Variants in PODNL1 observed in about 807,000 individuals in gnomAD.
PODNL1 encodes the protein podocan like 1, also known as podocan-like protein 1.
In PODNL1, 50 loss-of-function variants were observed where a neutral mutation model predicts 45.1. That is an observed-to-expected ratio of 1.11 (90% confidence interval 0.88 to 1.40). The LOEUF (loss-of-function observed/expected upper bound fraction) is 1.40. PODNL1 is among the 40% of genes most tolerant of loss of function. PODNL1 has a pLI of 0.00. For missense variants in PODNL1, 788 were observed against 793.3 expected, an observed-to-expected ratio of 0.99 and a Z score of 0.08; for synonymous variants, 406 against 372.5, an observed-to-expected ratio of 1.09 and a Z score of -1.04.
chr19:13,938,262 C>T lies in PODNL1; in HGVS notation c.-81G>A. 2.6e-6 allele frequency: 4 copies of T among 1,545,622 alleles called. No homozygotes were observed. Among genetic ancestry groups the T allele is most frequent in the Non-Finnish European group, 3.5e-6 (4 of 1,148,416 alleles). ...AAACCAGGCGGTCACCTCCTGGAGCCTCTGCTGTGGCCACCACCGCCCCCC... is the reference window on the plus strand; with the variant it reads ...AAACCAGGCGGTCACCTCCTGGAGCTTCTGCTGTGGCCACCACCGCCCCCC... On this transcript the variant is annotated 5_prime_UTR_variant, in exon 1 of 10. Transcript: ENST00000588872.
At chr19:13,940,580 A>AC (rs1328403363), upstream of PODNL1, among the ~76,000 whole-genome samples, 2 of 136,658 alleles carry the variant, frequency 1.5e-5, no homozygotes, top group Non-Finnish European at 3.2e-5. Context: ...CAAAAAAAAA[A>AC]AAAAAAAAAA....
Position 13,935,744 on chromosome 19 carries a change from G to A in PODNL1, c.471C>T (p.Thr157=), listed in dbSNP as rs202144687. 6.3e-7 allele frequency: 1 copy of A among 1,587,020 alleles called. No individual in the cohort carries two copies. Among genetic ancestry groups the A allele is most frequent in the Non-Finnish European group, 8.5e-7 (1 of 1,170,388 alleles). ...ANQVMEIFPL[T]FGEKPALRSV... ...ACCTGAGTGCCGGCTTCTCCCCAAA[G>A]GTGAGGGGGAAGATCTCCATCACTT... The change falls in exon 5 of 10, where the codon ACC becomes ACT. Residue 157 remains threonine, a synonymous_variant. Coordinates refer to ENST00000588872, the MANE Select transcript of PODNL1 (RefSeq NM_001370095.3).
chr19:13,939,034 C>G (rs1333076619), upstream of PODNL1, among the ~76,000 whole-genome samples: 1 of 152,190 alleles, frequency 6.6e-6, no homozygotes, highest in Non-Finnish European at 1.5e-5. Context: ...ACAAGCTGGT[C>G]TCCACATGAG....
rs1972088237 is a variant in PODNL1, at chr19:13,933,233, C to T, written c.990G>A (p.Arg330=). ...GLPAGALRPL[R]GLHTLHLYGN... is the part of the protein sequence containing the mutation. ...CATAGAGGTGCAGCGTGTGCAGGCC[C>T]CGCAGCGGCCGCAGAGCCCCGGCGG... The change falls in exon 8 of 10, where the codon CGG becomes CGA. Residue 330 remains arginine (R), a synonymous_variant. Coordinates refer to ENST00000588872, the MANE Select transcript of PODNL1 (RefSeq NM_001370095.3). The surrounding 1 kb of genome is among the most constrained non-coding windows in gnomAD (Gnocchi z 5.2). 1.3e-6 allele frequency: 2 copies of T among 1,540,990 alleles called. No homozygotes were observed. Among genetic ancestry groups the T allele is most frequent in the Non-Finnish European group, 1.7e-6 (2 of 1,148,362 alleles).
At chr19:13,941,341 G>T (rs1279685331), upstream of PODNL1, among the ~76,000 whole-genome samples, 2 of 150,704 alleles carry the variant, frequency 1.3e-5, no homozygotes, top group African/African-American at 4.9e-5. Flanking sequence ...ACTCCAGGCT[G>T]GGTAACAGTG....
upstream of PODNL1, among the ~76,000 whole-genome samples, chr19:13,942,312 T>C (rs1972681265): frequency 6.6e-6 from 1 of 152,174 alleles, no homozygotes; most frequent in South Asian, 2.1e-4. Context: ...GGCTTCTGTA[T>C]GTGGTGCTAA....
chr19:13,941,967 G>T (rs1174953272), upstream of PODNL1, among the ~76,000 whole-genome samples: 1 of 152,128 alleles, frequency 6.6e-6, no homozygotes, highest in East Asian at 1.9e-4. Flanking sequence ...CCTATCTCAA[G>T]TACTCCCCAT....
chr19:13,934,681 G>A (rs1480370622), intron 5 of PODNL1, among the ~76,000 whole-genome samples: 4 of 151,946 alleles, frequency 2.6e-5, no homozygotes, highest in Non-Finnish European at 4.4e-5. Context: ...GAGTGCATAT[G>A]TGGAGTGTGT....
At chr19:13,952,222 T>C (rs903435466) in intron 1 of PODNL1, among the ~76,000 whole-genome samples, 1 of 152,208 alleles carries the variant, frequency 6.6e-6, no homozygotes, top group African/African-American at 2.4e-5. Context: ...GTGACGCCGT[T>C]GAGACAGACA....
At chr19:13,943,518 G>A (rs984490825) in intron 1 of PODNL1, among the ~76,000 whole-genome samples, 3 of 151,994 alleles carry the variant, frequency 2.0e-5, no homozygotes, top group African/African-American at 4.8e-5. Context: ...CTGGAGTGCA[G>A]TGGTGTGATC....
In PODNL1 at chr19:13,935,722, T is replaced by A. The variant is rs750178163; in HGVS notation, c.493A>T (p.Arg165Trp). ...GGCCTGGGCTGGGCCAGGGTCTACCTGAGTGCCGGCTTCTCCCCAAAGGTG... is the reference window on the plus strand; with the variant it reads ...GGCCTGGGCTGGGCCAGGGTCTACCAGAGTGCCGGCTTCTCCCCAAAGGTG... ...PLTFGEKPAL[R>W]SVYLHNNQLS... Residue 165 changes from arginine (R) to tryptophan (W), a missense_variant and splice_region_variant, in exon 5 of 10, where the codon AGG becomes TGG. Coordinates refer to ENST00000588872, the MANE Select transcript of PODNL1 (RefSeq NM_001370095.3). 2.0e-5 allele frequency: 31 copies of A among 1,558,904 alleles called. No individual in the cohort carries two copies. The highest frequency in any genetic ancestry group is 2.6e-5 in the Non-Finnish European group (30 of 1,156,646).
chr19:13,932,102 A>C lies in PODNL1; in HGVS notation c.1436T>G (p.Leu479Arg). Reference protein sequence around the residue: ...HELQALQMLDLSHNELSFVPP... With the variant: ...HELQALQMLDRSHNELSFVPP... ...CACAAAGGACAGCTCATTGTGGCTG[A>C]GGTCCAGCATCTGGGCAGGGGGTTA... The change falls in exon 9 of 10, where the codon CTC becomes CGC. Residue 479 changes from leucine (L) to arginine (R), a missense_variant. This residue lies in a region of PODNL1 where 762 missense variants were observed against 750.9 expected (regional missense o/e 1.01). Coordinates refer to ENST00000588872, the MANE Select transcript of PODNL1 (RefSeq NM_001370095.3). The C allele has an allele frequency of 8.1e-7, 1 of 1,233,198 alleles. No individual in the cohort carries two copies. The highest frequency in any genetic ancestry group is 1.0e-6 in the Non-Finnish European group (1 of 988,806). The allele number at this position is 1,233,198 out of a possible 1,614,324, so 76.4% of individuals were successfully genotyped here. A position where few individuals can be genotyped will look rare whatever the true frequency, so the allele number is the denominator to read the frequency against.
rs574322345 is a variant in PODNL1, at chr19:13,953,150, G to A, written c.-14C>T. 4.5e-6 allele frequency: 7 copies of A among 1,547,006 alleles called. No homozygotes were observed. In the East Asian group the frequency reaches 1.7e-4, roughly 38 times the overall value. On this transcript the variant is annotated 5_prime_UTR_variant, in exon 1 of 8. Transcript: ENST00000538371. ...GGGCCTCCCCATTGAAAGTGTGGGA[G>A]CTCCCTGGATAGGGCTGAGTCTTCC...
chr19:13,931,447 C>T lies in PODNL1; in HGVS notation c.*290G>A, dbSNP rs992389205. On this transcript the variant is annotated 3_prime_UTR_variant, in exon 10 of 10. Transcript: ENST00000588872. ...GGGAGGAGTCCGTGGACAGAGCCCC[C>T]AAAGGGTGCCTGGTCCGTGCTGAGT... 4.2e-5 allele frequency: 14 copies of T among 333,512 alleles called. No individual in the cohort carries two copies. The highest frequency in any genetic ancestry group is 6.3e-5 in the African/African-American group (3 of 47,398). The allele number at this position is 333,512 out of a possible 1,614,324, so 20.7% of individuals were successfully genotyped here.
chr19:13,933,551 T>G lies in PODNL1; in HGVS notation c.768-96A>C, dbSNP rs1180482313. On this transcript the variant is annotated intron_variant, in intron 7 of 9. Coordinates refer to ENST00000588872, the MANE Select transcript of PODNL1 (RefSeq NM_001370095.3). The surrounding 1 kb of genome is among the most constrained non-coding windows in gnomAD (Gnocchi z 5.2). ...GCTGGGGAGTGGTCCTGAGACAGATTTAAGCTGGAGATTTTGACTTGGGAG... is the reference window on the plus strand; with the variant it reads ...GCTGGGGAGTGGTCCTGAGACAGATGTAAGCTGGAGATTTTGACTTGGGAG... 7.6e-7 allele frequency: 1 copy of G among 1,323,662 alleles called. No homozygotes were observed. Among genetic ancestry groups the G allele is most frequent in the East Asian group, 2.4e-5 (1 of 41,848 alleles). The allele number at this position is 1,323,662 out of a possible 1,614,324, so 82.0% of individuals were successfully genotyped here. A position where few individuals can be genotyped will look rare whatever the true frequency, so the allele number is the denominator to read the frequency against.
At chr19:13,939,342 G>T (rs1364419691), upstream of PODNL1, among the ~76,000 whole-genome samples, 2 of 152,192 alleles carry the variant, frequency 1.3e-5, no homozygotes, top group Non-Finnish European at 2.9e-5. Flanking sequence ...CTCCCAAGTA[G>T]CTGGGATTAC....
chr19:13,931,605 G>T lies in PODNL1; in HGVS notation c.*132C>A. 1.0e-6 allele frequency: 1 copy of T among 989,054 alleles called. No individual in the cohort carries two copies. Among genetic ancestry groups the T allele is most frequent in the Non-Finnish European group, 1.3e-6 (1 of 767,400 alleles). The allele number at this position is 989,054 out of a possible 1,614,324, so 61.3% of individuals were successfully genotyped here. A position where few individuals can be genotyped will look rare whatever the true frequency, so the allele number is the denominator to read the frequency against. ...TGTGTGCCTCTGTGTCTCGGCCAGTGGCAGGCAGAGCAGGCCCAGCCCTGG... is the reference window on the plus strand; with the variant it reads ...TGTGTGCCTCTGTGTCTCGGCCAGTTGCAGGCAGAGCAGGCCCAGCCCTGG... On this transcript the variant is annotated 3_prime_UTR_variant, in exon 10 of 10. Coordinates refer to ENST00000588872, the MANE Select transcript of PODNL1 (RefSeq NM_001370095.3).
chr19:13,940,388 T>A (rs1328319914), upstream of PODNL1, among the ~76,000 whole-genome samples: 6 of 143,514 alleles, frequency 4.2e-5, no homozygotes, highest in Non-Finnish European at 1.5e-5. Flanking sequence ...TGGCTAACAC[T>A]GTGAAACCCC....
intron 1 of PODNL1, among the ~76,000 whole-genome samples, chr19:13,946,978 G>C (rs1448925621): frequency 2.7e-5 from 4 of 149,528 alleles, no homozygotes; most frequent in African/African-American, 4.9e-5. Flanking sequence ...GTGAGGCTGG[G>C]AGGTCGAGGC....
Sources: gnomAD v4.1 joint callset for allele counts (sites outside exome capture counted in the v4.1 genomes callset) on GRCh38, gnomAD v4.1.1 for gene constraint, gnomAD v4.1.1 regional missense constraint, Gnocchi (gnomAD v3.1) non-coding constraint, MANE v1.5 for transcripts, NCBI Gene and HGNC (gene_info 2026-07-23, HGNC 2026-07-21) for gene names.